LMCD1: variants seen among roughly 807,000 people sequenced by gnomAD.
LMCD1 encodes LIM and cysteine rich domains 1.
Under a neutral mutation model 42.7 loss-of-function variants are expected in LMCD1, and 32 were observed. The ratio of observed to expected loss-of-function variants is 0.75; its 90% CI spans 0.57 to 1.01. LMCD1 has a LOEUF of 1.01. LMCD1 is among the 50% of genes least tolerant of loss of function. The pLI, the probability that LMCD1 is intolerant of heterozygous loss-of-function variation, is 0.00. For missense variants in LMCD1, 458 were observed against 483.1 expected (o/e 0.95, Z 0.49); for synonymous variants, 178 against 184.9 (o/e 0.96, Z 0.30).
intron 1 of LMCD1, among the ~76,000 whole-genome samples, chr3:8,513,644 C>G (rs1694042994): frequency 1.3e-5 from 2 of 151,966 alleles, no homozygotes; most frequent in South Asian, 4.2e-4. Context: ...TCAAAGAAGG[C>G]TAAGGAGGCA....
intron 2 of LMCD1, 131 bp downstream of exon 2, chr3:8,532,956 G>A: frequency 1.3e-6 from 1 of 748,894 alleles, no homozygotes; most frequent in Non-Finnish European, 2.3e-6. Flanking sequence ...GCTGCAGAGG[G>A]AAGGCACTCC....
intron 1 of LMCD1, among the ~76,000 whole-genome samples, chr3:8,502,313 A>AAATATATAATATATATT (rs1693748541): frequency 8.4e-5 from 2 of 23,924 alleles, no homozygotes; most frequent in African/African-American, 1.6e-4. Context: ...TAATATATAA[A>AAATATATAATATATATT]ATATATATTA....
In LMCD1 at chr3:8,569,980, CAAAAAAA is replaced by C; in HGVS notation, c.*2391_*2397del. ...GGGTGACAGAGTGAGACCCTGTTTC[CAAAAAAA>C]AAAAAAAAGGATAGGTTGCCTCTAA... On this transcript the variant is annotated 3_prime_UTR_variant, in exon 6 of 6. Coordinates refer to ENST00000157600, the MANE Select transcript of LMCD1 (RefSeq NM_014583.4). 7.2e-6 allele frequency: 1 copy of C among 138,342 alleles called. No homozygotes were observed. Among genetic ancestry groups the C allele is most frequent in the East Asian group, 2.1e-4 (1 of 4,754 alleles). 8.6% of individuals were successfully genotyped at this position (138,342 alleles called of 1,614,324 possible). A position where few individuals can be genotyped will look rare whatever the true frequency, so the allele number is the denominator to read the frequency against.
intron 2 of LMCD1, among the ~76,000 whole-genome samples, chr3:8,536,948 T>C (rs1320769184): frequency 2.6e-5 from 4 of 152,232 alleles, no homozygotes; most frequent in Non-Finnish European, 5.9e-5. Flanking sequence ...CCACTCTTTT[T>C]ACCAGCACAA....
intron 4 of LMCD1, among the ~76,000 whole-genome samples, chr3:8,552,219 C>T (rs1443397724): frequency 1.3e-5 from 2 of 152,186 alleles, no homozygotes; most frequent in Non-Finnish European, 2.9e-5. Flanking sequence ...GTGGCTGTGC[C>T]TCCCCAGGCT....
At chr3:8,541,105 T>C in intron 3 of LMCD1, among the ~76,000 whole-genome samples, 1 of 152,154 alleles carries the variant, frequency 6.6e-6, no homozygotes, top group Non-Finnish European at 1.5e-5. Context: ...CCAGAGCCCA[T>C]GTGTGTTTCA....
At chr3:8,520,550 C>T (rs989900537) in intron 1 of LMCD1, among the ~76,000 whole-genome samples, 6 of 152,134 alleles carry the variant, frequency 3.9e-5, no homozygotes, top group African/African-American at 1.4e-4. Flanking sequence ...ATCTTGATTT[C>T]CCTCAAGCTA....
intron 1 of LMCD1, among the ~76,000 whole-genome samples, chr3:8,530,480 G>A (rs2125021375): frequency 6.6e-6 from 1 of 152,318 alleles, no homozygotes; most frequent in South Asian, 2.1e-4. Flanking sequence ...CACTCTCCAA[G>A]CCAAGCATCA....
intron 4 of LMCD1, among the ~76,000 whole-genome samples, chr3:8,551,836 T>G (rs1694845425): frequency 6.6e-6 from 1 of 152,100 alleles, no homozygotes; most frequent in Non-Finnish European, 1.5e-5. Flanking sequence ...TCCTTTCTCA[T>G]AAAAGGGCAG....
rs1040710704 is a variant in LMCD1, at chr3:8,574,609, A to C, written c.*7011A>C. ...ATTCTCATTTGTATTAATTTTTTTTAATTACTGGCAAGATAAGGCAAATGT... is the reference window on the plus strand; with the variant it reads ...ATTCTCATTTGTATTAATTTTTTTTCATTACTGGCAAGATAAGGCAAATGT... On this transcript the variant is annotated 3_prime_UTR_variant, in exon 6 of 6. Transcript: ENST00000157600. 6.6e-6 allele frequency: 1 copy of C among 152,174 alleles called. No individual in the cohort carries two copies. Among genetic ancestry groups the C allele is most frequent in the African/African-American group, 2.4e-5 (1 of 41,454 alleles). The allele number at this position is 152,174 out of a possible 1,614,324, so 9.4% of individuals were successfully genotyped here.
At position 8,565,546 on chromosome 3, in the gene LMCD1, G is replaced by C; in HGVS notation, c.838G>C (p.Glu280Gln). 1.2e-6 allele frequency: 2 copies of C among 1,614,186 alleles called. No individual in the cohort carries two copies. Among genetic ancestry groups the C allele is most frequent in the Non-Finnish European group, 1.7e-6 (2 of 1,180,022 alleles). The part of the protein sequence containing the change: ...PTCFVCAKCS[E>Q]PLVDLIYFWK... Reference sequence around the variant, plus strand: ...CTGCTTTGTGTGTGCCAAGTGCTCCGAGCCGCTGGTGGACCTCATCTACTT... The same window carrying C: ...CTGCTTTGTGTGTGCCAAGTGCTCCCAGCCGCTGGTGGACCTCATCTACTT... Residue 280 changes from glutamate to glutamine, a missense_variant, in exon 5 of 6, where the codon GAG becomes CAG. By Grantham distance (29) the Glu-to-Gln change is conservative. Coordinates refer to ENST00000157600, the MANE Select transcript of LMCD1 (RefSeq NM_014583.4).
intron 2 of LMCD1, among the ~76,000 whole-genome samples, chr3:8,534,159 G>A (rs41378247): frequency 0.063 from 9,521 of 151,700 alleles, 376 homozygotes; most frequent in South Asian, 0.19. Flanking sequence ...CAGCTAGGAC[G>A]TCTCCTTTTA....
At chr3:8,547,954 C>T (rs1312942363) in intron 3 of LMCD1, among the ~76,000 whole-genome samples, 3 of 152,178 alleles carry the variant, frequency 2.0e-5, no homozygotes, top group African/African-American at 7.2e-5. Context: ...CTAGGCTACG[C>T]AGTATAGCCT....
chr3:8,554,292 G>A (rs1694892481), intron 4 of LMCD1, among the ~76,000 whole-genome samples: 2 of 152,172 alleles, frequency 1.3e-5, no homozygotes, highest in African/African-American at 4.8e-5. Flanking sequence ...TGAGAGCGGG[G>A]CTTCGGTTCA....
At chr3:8,556,329 A>AT (rs1694932982) in intron 4 of LMCD1, among the ~76,000 whole-genome samples, 1 of 151,818 alleles carries the variant, frequency 6.6e-6, no homozygotes, top group Non-Finnish European at 1.5e-5. Flanking sequence ...TACAACCAGA[A>AT]TTTTTTTTAA....
chr3:8,528,674 C>T (rs1184952941), intron 1 of LMCD1, among the ~76,000 whole-genome samples: 2 of 152,174 alleles, frequency 1.3e-5, no homozygotes, highest in Admixed American at 1.3e-4. Flanking sequence ...TTTTCTAATT[C>T]CAAATCCCAT....
Position 8,572,526 on chromosome 3 carries a change from G to C in LMCD1, c.*4928G>C, listed in dbSNP as rs1405352003. 1 of 152,128 alleles carries C rather than the reference G, an allele frequency of 6.6e-6. No individual in the cohort carries two copies. The highest frequency in any genetic ancestry group is 1.5e-5 in the Non-Finnish European group (1 of 68,004). The allele number at this position is 152,128 out of a possible 1,614,324, so 9.4% of individuals were successfully genotyped here. The stretch of plus-strand genomic sequence containing the variant: ...GATCGAACTAATTATTATTATGATA[G>C]TTGCCAAATGTTGGTTTTTCTAATT... On this transcript the variant is annotated 3_prime_UTR_variant, in exon 6 of 6. Transcript: ENST00000157600.
chr3:8,549,208 A>G (rs1388624633), intron 4 of LMCD1, among the ~76,000 whole-genome samples: 1 of 152,160 alleles, frequency 6.6e-6, no homozygotes, highest in Non-Finnish European at 1.5e-5. Context: ...GGTGAGGTAC[A>G]AGCTGGTCTA....
chr3:8,541,813 G>T (rs1043794986), intron 3 of LMCD1, among the ~76,000 whole-genome samples: 11 of 152,038 alleles, frequency 7.2e-5, no homozygotes, highest in African/African-American at 2.7e-4. Context: ...TCCCAAGTCC[G>T]TGCCAGTCAA....
Sources: gnomAD v4.1 joint callset for allele counts (sites outside exome capture counted in the v4.1 genomes callset) on GRCh38, gnomAD v4.1.1 for gene constraint, MANE v1.5 for transcripts, NCBI Gene and HGNC (gene_info 2026-07-23, HGNC 2026-07-21) for gene names.